The following DOCK2 variants were observed in gnomAD, a reference collection of about 807,000 sequenced individuals.
DOCK2 encodes dedicator of cytokinesis protein 2.
In DOCK2, 87 loss-of-function variants were observed where a neutral mutation model predicts 248.9. That is an observed-to-expected ratio of 0.35 (90% confidence interval 0.29 to 0.42). DOCK2 has a LOEUF of 0.42. DOCK2 is among the 10% of genes least tolerant of loss of function. The probability of loss-of-function intolerance (pLI) is 1.00; values close to 1 mark genes in which losing one functional copy is unlikely to be tolerated. For synonymous variants in DOCK2, 805 were observed against 821.6 expected (o/e 0.98, Z 0.35); for missense variants, 1,747 against 2,300.2 (o/e 0.76, Z 4.92).
intron 25 of DOCK2, among the ~76,000 whole-genome samples, chr5:169,777,275 C>T (rs533207287): frequency 2.0e-5 from 3 of 152,160 alleles, no homozygotes; most frequent in East Asian, 1.9e-4. Flanking sequence ...TGATCCAATT[C>T]GGGAGGGACA....
chr5:170,051,608 C>G (rs773625736), intron 41 of DOCK2, among the ~76,000 whole-genome samples: 1 of 152,158 alleles, frequency 6.6e-6, no homozygotes, highest in Non-Finnish European at 1.5e-5. Flanking sequence ...TTTGGAAAAT[C>G]TGTCTCAATT....
At chr5:169,929,761 A>AAG (rs1254868385) in intron 27 of DOCK2, among the ~76,000 whole-genome samples, 3 of 149,516 alleles carry the variant, frequency 2.0e-5, no homozygotes, top group East Asian at 3.9e-4. Context: ...AAAAAAAAAA[A>AAG]AGAGAGAGAG....
At chr5:170,024,092 C>T (rs1025896107) in intron 33 of DOCK2, among the ~76,000 whole-genome samples, 5 of 152,188 alleles carry the variant, frequency 3.3e-5, no homozygotes, top group Admixed American at 1.3e-4. Flanking sequence ...CCTCCTTTCT[C>T]GATTAGAGCT....
intron 27 of DOCK2, chr5:169,882,576 C>T: frequency 1.9e-6 from 3 of 1,548,814 alleles, no homozygotes; most frequent in East Asian, 2.4e-5. Flanking sequence ...CTCGAGCTTT[C>T]TCCAAGTCTT....
At chr5:169,892,349 A>G (rs376691911) in intron 27 of DOCK2, among the ~76,000 whole-genome samples, 13 of 152,262 alleles carry the variant, frequency 8.5e-5, no homozygotes, top group African/African-American at 3.1e-4. Flanking sequence ...CTACACCCGC[A>G]CAGCTTCTAG....
intron 26 of DOCK2, among the ~76,000 whole-genome samples, chr5:169,820,989 C>T (rs960440383): frequency 3.3e-5 from 5 of 151,932 alleles, no homozygotes; most frequent in South Asian, 2.1e-4. Flanking sequence ...CTTCAGTAGC[C>T]GATTCAATCA....
At chr5:169,888,763 A>C (rs544564698) in intron 27 of DOCK2, among the ~76,000 whole-genome samples, 1 of 152,328 alleles carries the variant, frequency 6.6e-6, no homozygotes, top group East Asian at 1.9e-4. Flanking sequence ...GAAATAATCT[A>C]TATGAAATGG....
chr5:169,906,278 A>C (rs971249281), intron 27 of DOCK2, among the ~76,000 whole-genome samples: 4 of 152,268 alleles, frequency 2.6e-5, no homozygotes, highest in African/African-American at 7.2e-5. Context: ...ATGTAAAATG[A>C]GTATGATCAT....
intron 50 of DOCK2, 71 bp from the exon 51 acceptor site, chr5:170,081,771 T>G (rs879216944): frequency 8.0e-3 from 2,936 of 365,074 alleles, no homozygotes; most frequent in Non-Finnish European, 9.8e-3. Flanking sequence ...GCCCTCCCCC[T>G]GTCTACCTCC....
In DOCK2 at chr5:170,079,029, G is replaced by C; in HGVS notation, c.5049G>C (p.Pro1683=). The C allele has an allele frequency of 6.2e-7, 1 of 1,614,130 alleles. No individual in the cohort carries two copies. Among genetic ancestry groups the C allele is most frequent in the South Asian group, 1.1e-5 (1 of 91,072 alleles). The stretch of plus-strand genomic sequence containing the variant: ...CGCCGAGAGTGGAGCAGGAGGAACC[G>C]ATCTCCCCGGGGAGCACCCTGCCTG... The part of the protein sequence containing the change: ...PKTPRVEQEE[P]ISPGSTLPEV... The change falls in exon 49 of 52, where the codon CCG becomes CCC. Residue 1683 remains proline, a synonymous_variant. Coordinates refer to ENST00000520908, the MANE Select transcript of DOCK2 (RefSeq NM_004946.3).
At chr5:169,734,374 T>A (rs1302167416) in intron 22 of DOCK2, among the ~76,000 whole-genome samples, 1 of 152,222 alleles carries the variant, frequency 6.6e-6, no homozygotes, top group African/African-American at 2.4e-5. Context: ...TTGTGGGTTC[T>A]CATTCTGTCT....
intron 27 of DOCK2, among the ~76,000 whole-genome samples, chr5:169,972,137 T>C (rs145879378): frequency 5.3e-5 from 8 of 152,356 alleles, no homozygotes; most frequent in Admixed American, 2.6e-4. Flanking sequence ...TAAGATGTCC[T>C]TTCCCATTCT....
Position 170,079,089 on chromosome 5 carries a change from G to A in DOCK2, c.5109G>A (p.Lys1703=), listed in dbSNP as rs776719632. ...TGCGGAGGTCCAAGAAGAGGACAAA[G>A]AGAAGCAGCGTAGTTTTTGCGGATG... ...VKLRRSKKRT[K]RSSVVFADEK... The change falls in exon 49 of 52, where the codon AAG becomes AAA. Residue 1703 remains lysine, a synonymous_variant. Coordinates refer to ENST00000520908, the MANE Select transcript of DOCK2 (RefSeq NM_004946.3). 3 of 1,614,046 alleles carry A rather than the reference G, an allele frequency of 1.9e-6. No homozygotes were observed. Among genetic ancestry groups the A allele is most frequent in the Non-Finnish European group, 1.7e-6 (2 of 1,180,046 alleles).
chr5:169,712,515 T>C (rs532385655), intron 17 of DOCK2, among the ~76,000 whole-genome samples: 2 of 152,342 alleles, frequency 1.3e-5, no homozygotes, highest in East Asian at 3.9e-4. Flanking sequence ...AGAAAGGTTA[T>C]TGTTAATGAC....
At position 169,680,729 on chromosome 5, in the gene DOCK2, A is replaced by G. The variant is rs199904665; in HGVS notation, c.471-1015A>G. 8.5e-5 allele frequency among the ~76,000 whole-genome samples: 13 copies of G among 152,182 alleles called. No homozygotes were observed. The East Asian group carries it at 2.3e-3, about 27-fold the overall frequency. Reference sequence around the variant, plus strand: ...GAGCAAGACCCTGACTCATTAAAAAAAAAATTAAATAAATTGAGACAAGGC... The same window carrying G: ...GAGCAAGACCCTGACTCATTAAAAAGAAAATTAAATAAATTGAGACAAGGC... On this transcript the variant is annotated intron_variant, in intron 6 of 51. Transcript: ENST00000520908.
chr5:169,698,067 T>A (rs1760736628), intron 10 of DOCK2, among the ~76,000 whole-genome samples: 1 of 152,146 alleles, frequency 6.6e-6, no homozygotes, highest in Admixed American at 6.5e-5. Flanking sequence ...CAAACCTAAT[T>A]GCTGAATTCC....
intron 27 of DOCK2, chr5:169,881,498 A>C (rs1772644185): frequency 7.2e-7 from 1 of 1,384,326 alleles, no homozygotes; most frequent in Non-Finnish European, 1.0e-6. Context: ...CGTGGGCCAC[A>C]AACATTCAAC....
intron 27 of DOCK2, among the ~76,000 whole-genome samples, chr5:169,949,685 C>CTTTTTTTTTTTT (rs1373609242): frequency 6.9e-6 from 1 of 144,220 alleles, no homozygotes; most frequent in East Asian, 2.0e-4. Context: ...TCAATGTGAT[C>CTTTTTTTTTTTT]TTTAAAATAA....
intron 26 of DOCK2, among the ~76,000 whole-genome samples, chr5:169,824,660 C>G (rs1768723894): frequency 6.6e-6 from 1 of 152,060 alleles, no homozygotes; most frequent in Admixed American, 6.5e-5. Flanking sequence ...GACCTAAAAC[C>G]ATAAAAACCC....
Sources: allele counts gnomAD v4.1 joint callset (sites outside exome capture counted in the v4.1 genomes callset), GRCh38; gene constraint gnomAD v4.1.1; transcripts MANE v1.5; gene names NCBI Gene and HGNC (gene_info 2026-07-23, HGNC 2026-07-21).